DOCK2: variants seen among roughly 807,000 people sequenced by gnomAD.
DOCK2 encodes the protein dedicator of cytokinesis protein 2.
A neutral mutation model predicts 248.9 loss-of-function variants in DOCK2; 87 were observed. The observed-to-expected ratio is 0.35, with a 90% CI of 0.29 to 0.42. DOCK2 has a LOEUF of 0.42. Among genes scored for constraint, DOCK2 ranks in the 10% least tolerant of loss-of-function variants. The pLI is 1.00. For synonymous variants in DOCK2, 805 were observed against 821.6 expected, an observed-to-expected ratio of 0.98 and a Z score of 0.35; for missense variants, 1,747 against 2,300.2, an observed-to-expected ratio of 0.76 and a Z score of 4.92.
chr5:169,869,445 C>A (rs981658219), intron 27 of DOCK2, among the ~76,000 whole-genome samples: 1 of 152,150 alleles, frequency 6.6e-6, no homozygotes, highest in Non-Finnish European at 1.5e-5. Flanking sequence ...GTTTTTTAGG[C>A]CAAAGCAATT....
chr5:169,718,315 G>A (rs1249546182), intron 21 of DOCK2, among the ~76,000 whole-genome samples: 3 of 151,932 alleles, frequency 2.0e-5, no homozygotes, highest in Non-Finnish European at 4.4e-5. Context: ...TATTACAAGA[G>A]CATGTTCTAT....
intron 23 of DOCK2, among the ~76,000 whole-genome samples, chr5:169,751,195 G>C (rs1051269742): frequency 1.3e-5 from 2 of 152,090 alleles, no homozygotes; most frequent in Non-Finnish European, 2.9e-5. Flanking sequence ...GAAGCTTTTT[G>C]GGTATTTTAC....
intron 2 of DOCK2, among the ~76,000 whole-genome samples, chr5:169,659,136 G>C (rs1342703509): frequency 6.6e-6 from 1 of 151,716 alleles, no homozygotes; most frequent in South Asian, 2.1e-4. Flanking sequence ...ACAGATGCAT[G>C]CCACCTTGCC....
chr5:169,820,472 T>G (rs953905619), intron 26 of DOCK2, among the ~76,000 whole-genome samples: 4 of 152,330 alleles, frequency 2.6e-5, no homozygotes, highest in African/African-American at 9.6e-5. Context: ...CAATATTCAC[T>G]GTTCTGCAGC....
At chr5:169,774,264 T>G (rs1196225749) in intron 25 of DOCK2, among the ~76,000 whole-genome samples, 1 of 152,200 alleles carries the variant, frequency 6.6e-6, no homozygotes, top group African/African-American at 2.4e-5. Context: ...GTGGGGACTA[T>G]TAACAAAATA....
chr5:169,776,785 C>T (rs906683104), intron 25 of DOCK2, among the ~76,000 whole-genome samples: 3 of 152,196 alleles, frequency 2.0e-5, no homozygotes, highest in Non-Finnish European at 2.9e-5. Flanking sequence ...ATTCTCACTT[C>T]GTCCTGCTGC....
At chr5:169,794,201 A>G (rs959198978) in intron 25 of DOCK2, among the ~76,000 whole-genome samples, 18 of 152,034 alleles carry the variant, frequency 1.2e-4, no homozygotes, top group African/African-American at 4.1e-4. Flanking sequence ...CCTGGAGTCT[A>G]CACTGTCTCC....
chr5:169,880,264 TG>T (rs1487133401), intron 27 of DOCK2, among the ~76,000 whole-genome samples: 2 of 152,216 alleles, frequency 1.3e-5, no homozygotes, highest in Non-Finnish European at 2.9e-5. Flanking sequence ...AAGGAGCTGA[TG>T]GGTTCAATGA....
At chr5:169,957,257 T>C (rs1345289888) in intron 27 of DOCK2, among the ~76,000 whole-genome samples, 3 of 152,266 alleles carry the variant, frequency 2.0e-5, no homozygotes, top group Non-Finnish European at 4.4e-5. Context: ...TTTCTGGCCT[T>C]TAGCCAGGGA....
intron 26 of DOCK2, among the ~76,000 whole-genome samples, chr5:169,830,382 C>T (rs577041119): frequency 1.1e-3 from 171 of 152,244 alleles, no homozygotes; most frequent in Non-Finnish European, 2.0e-3. Context: ...TACTTATCCC[C>T]GGGGTTCTTG....
At chr5:169,812,947 A>G (rs144198506) in intron 26 of DOCK2, among the ~76,000 whole-genome samples, 38 of 152,382 alleles carry the variant, frequency 2.5e-4, no homozygotes, top group African/African-American at 9.1e-4. Flanking sequence ...GTCTCCACAG[A>G]AGGCTTGCCG....
intron 30 of DOCK2, among the ~76,000 whole-genome samples, chr5:170,007,294 G>GTT (rs1186859776): frequency 1.3e-5 from 2 of 152,170 alleles, no homozygotes; most frequent in Non-Finnish European, 2.9e-5. Context: ...GGTGGGCTTT[G>GTT]TTCAGCAAAA....
Position 169,861,723 on chromosome 5 carries a change from C to T in DOCK2, c.2799+20871C>T, listed in dbSNP as rs1046560785. 6.6e-5 allele frequency among the ~76,000 whole-genome samples: 10 copies of T among 152,074 alleles called. No homozygotes were observed. In the East Asian group the frequency reaches 1.2e-3, roughly 18 times the overall value. On this transcript the variant is annotated intron_variant, in intron 27 of 51. Transcript: ENST00000520908. ...GTGTGTGGTGTTTTAAACATAGAGA[C>T]GACCATTTTTGTTCATCAGGAAAAT...
chr5:169,802,899 G>A (rs1767087513), intron 25 of DOCK2, among the ~76,000 whole-genome samples, 159 bp from the exon 26 acceptor site: 2 of 152,286 alleles, frequency 1.3e-5, no homozygotes, highest in East Asian at 1.9e-4. Context: ...TGTGAATGAT[G>A]TTCTCAGGAA....
chr5:169,637,377 C>T lies in DOCK2; in HGVS notation c.43+8C>T, dbSNP rs1056091391. On this transcript the variant is annotated splice_region_variant and intron_variant, in intron 1 of 51. Transcript: ENST00000520908. ...AGGAGCGGCACGGCGTGGGTAGGTG[C>T]GGGCCCCAGGGCGCGGCAGGGAGCG... The T allele has an allele frequency of 5.7e-6, 8 of 1,399,144 alleles. No homozygotes were observed. Among genetic ancestry groups the T allele is most frequent in the South Asian group, 4.6e-5 (3 of 65,502 alleles). 86.7% of individuals were successfully genotyped at this position (1,399,144 alleles called of 1,614,324 possible).
chr5:170,040,760 G>A (rs1474294283), intron 36 of DOCK2: 2 of 320,208 alleles, frequency 6.2e-6, no homozygotes, highest in Non-Finnish European at 1.1e-5. Context: ...AACTTATCCA[G>A]GCAATAGTTC....
intron 25 of DOCK2, among the ~76,000 whole-genome samples, chr5:169,798,915 A>G (rs1766810972): frequency 6.6e-6 from 1 of 152,250 alleles, no homozygotes; most frequent in Non-Finnish European, 1.5e-5. Flanking sequence ...TTGAGCCACA[A>G]AAAGCTATTT....
At chr5:170,067,484 C>T (rs1177133248) in intron 44 of DOCK2, 26 bp from the exon 45 acceptor site, 1 of 1,604,226 alleles carries the variant, frequency 6.2e-7, no homozygotes. Flanking sequence ...AAGGCCCTTT[C>T]TTCTTGGTGA....
chr5:169,736,279 C>A (rs1395032194), intron 22 of DOCK2, among the ~76,000 whole-genome samples: 1 of 152,158 alleles, frequency 6.6e-6, no homozygotes, highest in Non-Finnish European at 1.5e-5. Context: ...GGTCTTTTCA[C>A]TGGTTTCAGG....
Sources: gnomAD v4.1 joint callset for allele counts (sites outside exome capture counted in the v4.1 genomes callset) on GRCh38, gnomAD v4.1.1 for gene constraint, MANE v1.5 for transcripts, NCBI Gene and HGNC (gene_info 2026-07-23, HGNC 2026-07-21) for gene names.